Variants in EIF3B observed in about 807,000 individuals in gnomAD.
The protein encoded by EIF3B is eukaryotic translation initiation factor 3 subunit 9.
A neutral mutation model predicts 104.6 loss-of-function variants in EIF3B; 10 were observed. The ratio of observed to expected loss-of-function variants is 0.10; its 90% confidence interval spans 0.06 to 0.16. The LOEUF is 0.16. Ranked by LOEUF, EIF3B falls within the 10% of genes least tolerant of loss-of-function variation. The probability of loss-of-function intolerance (pLI) is 1.00; values close to 1 mark genes in which losing one functional copy is unlikely to be tolerated. For missense variants in EIF3B, 1,014 were observed against 1,087.9 expected (o/e 0.93, Z 0.96); for synonymous variants, 542 against 417.2 (o/e 1.30, Z -3.65).
chr7:2,375,483 A>C lies in EIF3B; in HGVS notation c.1984A>C (p.Thr662Pro). Residue 662 changes from threonine to proline, a missense_variant, in exon 14 of 19, where the codon ACT becomes CCT. Coordinates refer to ENST00000360876, the MANE Select transcript of EIF3B (RefSeq NM_001037283.2). ...YMASDVEWDP[T>P]GRYVVTSVSW... is the part of the protein sequence containing the mutation. ...GGCTTCCGACGTCGAATGGGATCCTACTGGGCGCTACGTCGTCACCTCTGT... is the reference window on the plus strand; with the variant it reads ...GGCTTCCGACGTCGAATGGGATCCTCCTGGGCGCTACGTCGTCACCTCTGT... The C allele has an allele frequency of 6.2e-7, 1 of 1,614,042 alleles. No individual in the cohort carries two copies.
At chr7:2,360,593 A>C (rs1275353678) in intron 1 of EIF3B, 117 bp from the exon 2 acceptor site, 1 of 821,780 alleles carries the variant, frequency 1.2e-6, no homozygotes, top group Non-Finnish European at 1.8e-6. Context: ...TTTTGCTCAC[A>C]GTGAAAGCAT....
rs769391061 is a variant in EIF3B at position 2,379,387 on chromosome 7, C to T, written c.2342-7C>T. 7.6e-6 allele frequency: 12 copies of T among 1,581,248 alleles called. No homozygotes were observed. In the South Asian group the frequency reaches 1.3e-4, roughly 17 times the overall value. On this transcript the variant is annotated splice_polypyrimidine_tract_variant and splice_region_variant and intron_variant, in intron 17 of 18. Transcript: ENST00000360876. ...CCATGGGTGATCTGCGCCCTTTGTCCCCTCAGGGGTGGACACTGACGAGCT... is the reference window on the plus strand; with the variant it reads ...CCATGGGTGATCTGCGCCCTTTGTCTCCTCAGGGGTGGACACTGACGAGCT...
intron 13 of EIF3B, 132 bp from the exon 14 acceptor site, chr7:2,375,257 G>T (rs1780569105): frequency 8.8e-7 from 1 of 1,136,758 alleles, no homozygotes. Context: ...ACCAGAGGCT[G>T]TTGCTGTGCT....
chr7:2,368,062 CAG>C (rs1189230597), intron 9 of EIF3B, among the ~76,000 whole-genome samples: 2 of 150,454 alleles, frequency 1.3e-5, no homozygotes, highest in Non-Finnish European at 3.0e-5. Flanking sequence ...ATGCTGGTCT[CAG>C]AACTCCTGAC....
Position 2,360,752 on chromosome 7 carries a change from A to G in EIF3B, c.542A>G (p.Asp181Gly). Residue 181 changes from aspartate to glycine, a missense_variant, in exon 2 of 19, where the codon GAT becomes GGT. Around this residue, in one of 4 missense-constraint regions of EIF3B, gnomAD observed 488 missense variants for 404.3 expected, o/e 1.21. Transcript: ENST00000360876. ...CTCAAAGATCGGCCCCAGGAAGCAG[A>G]TGGAATCGATTCGGTGATTGTAGTG... is the stretch of plus-strand genomic sequence containing the variant. ...DVLKDRPQEA[D>G]GIDSVIVVDN... is the part of the protein sequence containing the mutation. 6.2e-7 allele frequency: 1 copy of G among 1,600,236 alleles called. No individual in the cohort carries two copies. The highest frequency in any genetic ancestry group is 2.2e-5 in the East Asian group (1 of 44,496).
rs1779343206 is a variant in EIF3B, at chr7:2,355,282, G to A, written c.361G>A (p.Ala121Thr). The change falls in exon 1 of 19, where the codon GCC (alanine) becomes ACC (threonine). Residue 121 changes from alanine to threonine, a missense_variant. Coordinates refer to ENST00000360876, the MANE Select transcript of EIF3B (RefSeq NM_001037283.2). ...QARDERSDSR[A>T]QAVSEDAGGN... Reference sequence around the variant, plus strand: ...TCGGGACGAGCGCTCCGACAGCCGGGCCCAGGCGGTGTCCGAGGACGCGGG... The same window carrying A: ...TCGGGACGAGCGCTCCGACAGCCGGACCCAGGCGGTGTCCGAGGACGCGGG... 1 of 1,535,658 alleles carries A rather than the reference G, an allele frequency of 6.5e-7. No homozygotes were observed. Among genetic ancestry groups the A allele is most frequent in the Non-Finnish European group, 8.7e-7 (1 of 1,147,842 alleles).
chr7:2,369,577 G>A lies in EIF3B; in HGVS notation c.1509G>A (p.Glu503=), dbSNP rs1780209746. 6.2e-7 allele frequency: 1 copy of A among 1,614,014 alleles called. No homozygotes were observed. Among genetic ancestry groups the A allele is most frequent in the Non-Finnish European group, 8.5e-7 (1 of 1,180,038 alleles). ...VTLMQLPTRQ[E]IRVRNLFNVV... ...TGATGCAGCTCCCTACCAGGCAAGA[G>A]ATCCGAGTGAGGAACCTGTTCAATG... is the stretch of plus-strand genomic sequence containing the variant. The change falls in exon 10 of 19, where the codon GAG becomes GAA. Residue 503 remains glutamate (E), a synonymous_variant. Coordinates refer to ENST00000360876, the MANE Select transcript of EIF3B (RefSeq NM_001037283.2).
upstream of EIF3B, among the ~76,000 whole-genome samples, chr7:2,354,696 A>C (rs540218733): frequency 6.6e-6 from 1 of 152,236 alleles, no homozygotes; most frequent in Admixed American, 6.5e-5. Flanking sequence ...TCTTGTCACA[A>C]ATATATCAGT....
At chr7:2,376,757 A>C (rs1191817924) in intron 14 of EIF3B, 193 bp from the exon 15 acceptor site, 4 of 699,182 alleles carry the variant, frequency 5.7e-6, no homozygotes, top group Admixed American at 3.3e-5. Flanking sequence ...CGTGCCCCGC[A>C]CTCCGGGTCG....
At chr7:2,371,312 T>G (rs1264602258) in intron 10 of EIF3B, among the ~76,000 whole-genome samples, 1 of 152,234 alleles carries the variant, frequency 6.6e-6, no homozygotes, top group Non-Finnish European at 1.5e-5. Flanking sequence ...TTTCTTGGCC[T>G]CCTTCCTCTG....
At chr7:2,373,044 C>G in intron 12 of EIF3B, 2 of 328,042 alleles carry the variant, frequency 6.1e-6, no homozygotes, top group Non-Finnish European at 5.5e-6. Flanking sequence ...CTTCCATTCT[C>G]TGCCATCATC....
At chr7:2,354,153 T>TC (rs1779252576), upstream of EIF3B, 1 of 152,230 alleles carries the variant, frequency 6.6e-6, no homozygotes, top group Admixed American at 6.5e-5. Flanking sequence ...AAAGCCCGAA[T>TC]GGGGGGAAAC....
Position 2,355,345 on chromosome 7 carries a change from G to A in EIF3B, c.424G>A (p.Ala142Thr). The A allele has an allele frequency of 6.5e-7, 1 of 1,540,484 alleles. No individual in the cohort carries two copies. Among genetic ancestry groups the A allele is most frequent in the Non-Finnish European group, 8.7e-7 (1 of 1,150,180 alleles). Reference sequence around the variant, plus strand: ...CAGAGCGGCCGAGGCCGAACCCCGGGCGCTGGAGAACGGCGACGCGGACGA... The same window carrying A: ...CAGAGCGGCCGAGGCCGAACCCCGGACGCTGGAGAACGGCGACGCGGACGA... ...EGRAAEAEPR[A>T]LENGDADEPS... is the part of the protein sequence containing the mutation. Residue 142 changes from alanine (A) to threonine (T), a missense_variant, in exon 1 of 19, where the codon GCG becomes ACG. Physicochemically the swap from Ala to Thr is moderately conservative, Grantham distance 58. Around this residue, in one of 4 missense-constraint regions of EIF3B, gnomAD observed 488 missense variants for 404.3 expected, o/e 1.21. Coordinates refer to ENST00000360876, the MANE Select transcript of EIF3B (RefSeq NM_001037283.2).
At chr7:2,360,609 C>T (rs561895272) in intron 1 of EIF3B, 101 bp from the exon 2 acceptor site, 1 of 964,284 alleles carries the variant, frequency 1.0e-6, no homozygotes, top group South Asian at 1.9e-5. Context: ...AGCATTTAGA[C>T]AATTCATTGT....
At chr7:2,377,398 C>A (rs930514528) in intron 15 of EIF3B, among the ~76,000 whole-genome samples, 1 of 152,180 alleles carries the variant, frequency 6.6e-6, no homozygotes, top group African/African-American at 2.4e-5. Context: ...TAAAATAGGC[C>A]GTTGGTCTTA....
intron 18 of EIF3B, chr7:2,379,935 G>A (rs1780906320): frequency 3.4e-5 from 9 of 261,062 alleles, no homozygotes; most frequent in African/African-American, 1.4e-4. Context: ...GGGGAGCAGA[G>A]TGCGGGAGCT....
chr7:2,369,529 A>G lies in EIF3B; in HGVS notation c.1461A>G (p.Lys487=). The change falls in exon 10 of 19, where the codon AAA becomes AAG. Residue 487 remains lysine, a synonymous_variant. Transcript: ENST00000360876. ...NIIAFWVPED[K]DIPARVTLMQ... ...TCGCCTTCTGGGTGCCTGAAGACAA[A>G]GATATTCCAGCCAGGGTAACCCTGA... The G allele has an allele frequency of 1.2e-6, 2 of 1,614,166 alleles. No individual in the cohort carries two copies. The highest frequency in any genetic ancestry group is 1.7e-6 in the Non-Finnish European group (2 of 1,180,048).
upstream of EIF3B, among the ~76,000 whole-genome samples, chr7:2,354,616 T>G (rs1276209424): frequency 6.6e-6 from 1 of 152,086 alleles, no homozygotes; most frequent in Admixed American, 6.5e-5. Flanking sequence ...CTGCCACACA[T>G]GGGGTGGTCA....
intron 11 of EIF3B, 82 bp downstream of exon 11, chr7:2,371,931 G>C (rs1332382739): frequency 2.5e-5 from 28 of 1,136,936 alleles, no homozygotes; most frequent in Non-Finnish European, 3.3e-5. Flanking sequence ...CATGCGAGGG[G>C]TTGTCTGAGC....
Sources: gnomAD v4.1 joint callset for allele counts (sites outside exome capture counted in the v4.1 genomes callset) on GRCh38, gnomAD v4.1.1 for gene constraint, gnomAD v4.1.1 regional missense constraint, MANE v1.5 for transcripts, NCBI Gene and HGNC (gene_info 2026-07-23, HGNC 2026-07-21) for gene names.